SFXN1: variants seen among roughly 807,000 people sequenced by gnomAD.
The protein encoded by SFXN1 is sideroflexin 1, also known as sideroflexin-1.
Under a neutral mutation model 39.5 loss-of-function variants are expected in SFXN1, and 32 were observed. The ratio of observed to expected loss-of-function variants is 0.81; its 90% CI spans 0.61 to 1.09. The LOEUF is 1.09. Among genes scored for constraint, SFXN1 ranks in the 50% least tolerant of loss-of-function variants. The pLI, the probability that SFXN1 is intolerant of heterozygous loss-of-function variation, is 0.00. For synonymous variants in SFXN1, 136 were observed against 146.5 expected, an observed-to-expected ratio of 0.93 and a Z score of 0.52; for missense variants, 402 against 407.1, an observed-to-expected ratio of 0.99 and a Z score of 0.11.
In SFXN1 at chr5:175,492,201, AC is replaced by A. The variant is rs1759683348; in HGVS notation, c.102del (p.Arg35GlyfsTer5). ...GCCAATCATTTCTTCACTGTAACTG[AC>A]CCCAGGAACATTCTGTTAACCAACG... ...GRANHFFTVT[D>X]PRNILLTNEQ... On this transcript the variant is annotated frameshift_variant, in exon 2 of 11. Coordinates refer to ENST00000321442, the MANE Select transcript of SFXN1 (RefSeq NM_022754.7). LOFTEE classifies it high-confidence loss of function. 2 of 1,613,948 alleles carry A rather than the reference AC, an allele frequency of 1.2e-6. No homozygotes were observed. The highest frequency in any genetic ancestry group is 1.7e-6 in the Non-Finnish European group (2 of 1,180,010).
intron 8 of SFXN1, among the ~76,000 whole-genome samples, chr5:175,518,495 A>G (rs1180337676): frequency 1.3e-5 from 2 of 152,190 alleles, no homozygotes; most frequent in Non-Finnish European, 2.9e-5. Flanking sequence ...GTAGCATGAT[A>G]TGGGGAAGAG....
chr5:175,523,178 A>T (rs1760932705), intron 10 of SFXN1: 1 of 152,222 alleles, frequency 6.6e-6, no homozygotes, highest in African/African-American at 2.4e-5. Context: ...CCTCTACCTG[A>T]TCGAGAACTC....
At chr5:175,522,071 G>T (rs545640961) in intron 9 of SFXN1, 103 bp downstream of exon 9, 2 of 962,240 alleles carry the variant, frequency 2.1e-6, no homozygotes, top group Non-Finnish European at 3.1e-6. Context: ...TGAAAATGAG[G>T]CCATCTCAGA....
At chr5:175,487,651 C>A (rs1759499828) in intron 1 of SFXN1, among the ~76,000 whole-genome samples, 1 of 152,122 alleles carries the variant, frequency 6.6e-6, no homozygotes, top group South Asian at 2.1e-4. Flanking sequence ...CATCACATCG[C>A]ATGACTTTAA....
At chr5:175,478,808 C>T (rs1206185477) in intron 1 of SFXN1, 169 bp downstream of exon 1, 3 of 144,246 alleles carry the variant, frequency 2.1e-5, no homozygotes, top group South Asian at 2.3e-4. Context: ...TGCCTCGGGC[C>T]GGGGGGGGGG....
At chr5:175,504,602 C>G (rs1760217534) in intron 2 of SFXN1, among the ~76,000 whole-genome samples, 1 of 151,414 alleles carries the variant, frequency 6.6e-6, no homozygotes, top group Non-Finnish European at 1.5e-5. Context: ...AGACCATAAC[C>G]AACTGAACAA....
At position 175,516,602 on chromosome 5, in the gene SFXN1, C is replaced by G; in HGVS notation, c.725-12C>G. On this transcript the variant is annotated splice_polypyrimidine_tract_variant and intron_variant, in intron 7 of 10. Coordinates refer to ENST00000321442, the MANE Select transcript of SFXN1 (RefSeq NM_022754.7). Reference sequence around the variant, plus strand: ...TAAATAAAGATTTAAGTGGATCTATCTTTATTTCCAGCCATCCCTCCATTC... The same window carrying G: ...TAAATAAAGATTTAAGTGGATCTATGTTTATTTCCAGCCATCCCTCCATTC... 1.9e-6 allele frequency: 3 copies of G among 1,609,052 alleles called. 1 individual carries two copies. The South Asian group carries it at 3.3e-5, about 18-fold the overall frequency.
At chr5:175,489,026 T>G (rs551071291) in intron 1 of SFXN1, among the ~76,000 whole-genome samples, 3 of 152,354 alleles carry the variant, frequency 2.0e-5, no homozygotes, top group South Asian at 2.1e-4. Context: ...ATTTTTGTCT[T>G]CTTTGTTCAC....
intron 8 of SFXN1, among the ~76,000 whole-genome samples, chr5:175,516,959 A>G (rs574553878): frequency 6.6e-6 from 1 of 152,172 alleles, no homozygotes; most frequent in Non-Finnish European, 1.5e-5. Flanking sequence ...TTGGAATGAC[A>G]TGTGTACAAG....
chr5:175,480,708 G>C (rs1759213486), intron 1 of SFXN1, among the ~76,000 whole-genome samples: 1 of 152,226 alleles, frequency 6.6e-6, no homozygotes, highest in Admixed American at 6.5e-5. Context: ...AGAGAAAGCT[G>C]AGAGGACAGC....
chr5:175,500,783 A>G (rs1463543880), intron 2 of SFXN1, among the ~76,000 whole-genome samples: 2 of 152,228 alleles, frequency 1.3e-5, no homozygotes, highest in Non-Finnish European at 1.5e-5. Context: ...ACACATTTAG[A>G]TCCACGTAAC....
intron 2 of SFXN1, among the ~76,000 whole-genome samples, chr5:175,505,311 C>T (rs1760246229): frequency 6.6e-6 from 1 of 151,520 alleles, no homozygotes; most frequent in Admixed American, 6.6e-5. Flanking sequence ...GAGGCAGGGG[C>T]ATCACCTGAG....
chr5:175,511,684 G>A, intron 5 of SFXN1, 158 bp downstream of exon 5: 1 of 654,328 alleles, frequency 1.5e-6, no homozygotes, highest in Non-Finnish European at 2.6e-6. Flanking sequence ...CTTCCAATAA[G>A]TTTGGGAAGA....
In SFXN1 at chr5:175,486,320, G is replaced by A. The variant is rs570523445; in HGVS notation, c.-9-5775G>A. On this transcript the variant is annotated intron_variant, in intron 1 of 10. Coordinates refer to ENST00000321442, the MANE Select transcript of SFXN1 (RefSeq NM_022754.7). ...GGCTGCTCCTGCTTTGAGTTCTCCC[G>A]GACTTGTTTCTGCTGCCAGCATCTG... is the stretch of plus-strand genomic sequence containing the variant. 1.1e-4 allele frequency among the ~76,000 whole-genome samples: 16 copies of A among 152,300 alleles called. No homozygotes were observed. In the South Asian group the frequency reaches 1.5e-3, roughly 14 times the overall value.
At position 175,509,118 on chromosome 5, in the gene SFXN1, G is replaced by C. The variant is rs1229596810; in HGVS notation, c.251G>C (p.Gly84Ala). ...GATTCAGCTTTTCATCCTGACACTG[G>C]TGAGAAGATGATTTTGATAGGAAGA... is the stretch of plus-strand genomic sequence containing the variant. ...IYDSAFHPDT[G>A]EKMILIGRMS... Residue 84 changes from glycine to alanine, a missense_variant, in exon 3 of 11, where the codon GGT becomes GCT. Gly to Ala is a moderately conservative substitution (Grantham distance 60). Coordinates refer to ENST00000321442, the MANE Select transcript of SFXN1 (RefSeq NM_022754.7). The C allele has an allele frequency of 1.9e-6, 3 of 1,613,788 alleles. No homozygotes were observed. Among genetic ancestry groups the C allele is most frequent in the South Asian group, 2.2e-5 (2 of 91,038 alleles).
At chr5:175,493,001 C>T (rs1045297448) in intron 2 of SFXN1, among the ~76,000 whole-genome samples, 3 of 152,194 alleles carry the variant, frequency 2.0e-5, no homozygotes, top group African/African-American at 7.2e-5. Context: ...CGCCTGTAAT[C>T]CCAGCCCTTT....
At chr5:175,492,357 A>G (rs1385211353) in intron 2 of SFXN1, 90 bp downstream of exon 2, 12 of 1,215,882 alleles carry the variant, frequency 9.9e-6, no homozygotes, top group Admixed American at 3.3e-5. Flanking sequence ...TGATTTTACA[A>G]CTTTTTTTTT....
At chr5:175,494,203 C>G (rs1355380484) in intron 2 of SFXN1, among the ~76,000 whole-genome samples, 1 of 152,200 alleles carries the variant, frequency 6.6e-6, no homozygotes, top group Non-Finnish European at 1.5e-5. Flanking sequence ...CTATTTCAAG[C>G]AGACACACCC....
chr5:175,487,060 A>T (rs977972722), intron 1 of SFXN1, among the ~76,000 whole-genome samples: 8 of 152,300 alleles, frequency 5.3e-5, no homozygotes, highest in Admixed American at 5.2e-4. Context: ...AACATCACAG[A>T]TCACCTAGGC....
Sources: allele counts gnomAD v4.1 joint callset (sites outside exome capture counted in the v4.1 genomes callset), GRCh38; gene constraint gnomAD v4.1.1; transcripts MANE v1.5; gene names NCBI Gene and HGNC (gene_info 2026-07-23, HGNC 2026-07-21).